Variants in OSCP1 observed in about 807,000 individuals in gnomAD.
The protein encoded by OSCP1 is protein OSCP1.
A neutral mutation model predicts 45.1 loss-of-function variants in OSCP1; 35 were observed. The observed-to-expected ratio is 0.78, with a 90% CI of 0.59 to 1.03. OSCP1 has a LOEUF of 1.03. Among genes scored for constraint, OSCP1 ranks in the 50% least tolerant of loss-of-function variants. OSCP1 has a pLI of 0.00. For missense variants in OSCP1, 400 were observed against 470.7 expected (o/e 0.85, Z 1.39); for synonymous variants, 179 against 180.1 (o/e 0.99, Z 0.05).
At chr1:36,436,556 G>A (rs941381524) in intron 2 of OSCP1, among the ~76,000 whole-genome samples, 4 of 152,032 alleles carry the variant, frequency 2.6e-5, no homozygotes, top group African/African-American at 9.7e-5. Context: ...AAATTTTTTT[G>A]TAGAGATTTG....
intron 4 of OSCP1, 33 bp downstream of exon 4, chr1:36,431,769 C>T: frequency 1.2e-6 from 2 of 1,606,064 alleles, no homozygotes; most frequent in Non-Finnish European, 1.7e-6. Flanking sequence ...TACAGCAGCT[C>T]CTGAGTGTTC....
intron 9 of OSCP1, 29 bp from the exon 10 acceptor site, chr1:36,418,284 A>C (rs116485261): frequency 1.2e-6 from 2 of 1,608,852 alleles, no homozygotes; most frequent in African/African-American, 2.7e-5. Flanking sequence ...GTAAAAGGGC[A>C]TGAAGAGGCT....
chr1:36,423,257 G>C (rs183827704), intron 5 of OSCP1, 106 bp downstream of exon 5: 248 of 944,578 alleles, frequency 2.6e-4, no homozygotes, highest in Admixed American at 5.4e-4. Context: ...GAAAGAGAAG[G>C]GCTGGGCAGA....
intron 2 of OSCP1, among the ~76,000 whole-genome samples, chr1:36,433,232 GC>G (rs1648491779): frequency 6.6e-6 from 1 of 152,220 alleles, no homozygotes; most frequent in African/African-American, 2.4e-5. Context: ...AGTGGTGAAG[GC>G]AGGCTTTGTG....
chr1:36,450,129 G>T, intron 1 of OSCP1, 129 bp downstream of exon 1: 15 of 735,134 alleles, frequency 2.0e-5, no homozygotes, highest in East Asian at 1.6e-4. Context: ...GATGTGGCTT[G>T]TAAGAAAGGT....
At chr1:36,423,045 A>C in intron 5 of OSCP1, 149 bp from the exon 6 acceptor site, 1 of 523,014 alleles carries the variant, frequency 1.9e-6, no homozygotes, top group Non-Finnish European at 3.0e-6. Context: ...ATAATAATAC[A>C]ATAATAATAT....
intron 1 of OSCP1, among the ~76,000 whole-genome samples, chr1:36,441,941 A>AG (rs1041483152): frequency 3.3e-5 from 5 of 150,686 alleles, no homozygotes; most frequent in African/African-American, 9.8e-5. Context: ...GAAGAGGCTA[A>AG]GGGGGGCCGG....
At chr1:36,449,682 C>T (rs1026016683) in intron 1 of OSCP1, among the ~76,000 whole-genome samples, 7 of 148,970 alleles carry the variant, frequency 4.7e-5, no homozygotes, top group Non-Finnish European at 8.9e-5. Context: ...ACTAAAAATA[C>T]AAAAATTAGC....
chr1:36,436,602 T>C (rs999000824), intron 2 of OSCP1, among the ~76,000 whole-genome samples: 7 of 152,236 alleles, frequency 4.6e-5, no homozygotes, highest in Non-Finnish European at 2.9e-5. Context: ...GTTGAACTCC[T>C]GGCCTCAATC....
At position 36,443,956 on chromosome 1, in the gene OSCP1, T is replaced by G. The variant is rs1272000835; in HGVS notation, c.113-5046A>C. The G allele has an allele frequency of 2.5e-6, 4 of 1,588,756 alleles. No individual in the cohort carries two copies. The East Asian group carries it at 8.9e-5, about 36-fold the overall frequency. On this transcript the variant is annotated intron_variant, in intron 1 of 9. Coordinates refer to ENST00000235532, the MANE Select transcript of OSCP1 (RefSeq NM_145047.5). ...TAAGCCCTGCTGATAAAGGCCTGAG[T>G]GAACCTGTGGATGCACACTGAACAC... is the stretch of plus-strand genomic sequence containing the variant.
intron 3 of OSCP1, among the ~76,000 whole-genome samples, chr1:36,432,115 T>C (rs1394332066): frequency 6.6e-6 from 1 of 152,104 alleles, no homozygotes; most frequent in Non-Finnish European, 1.5e-5. Flanking sequence ...TCCACAGACC[T>C]GGAGAGCCTG....
At position 36,427,299 on chromosome 1, in the gene OSCP1, C is replaced by CTTTTTTTTTTTTTTTTTT. The variant is rs71053929; in HGVS notation, c.517-3834_517-3833insAAAAAAAAAAAAAAAAAA. On this transcript the variant is annotated intron_variant, in intron 4 of 9. Coordinates refer to ENST00000235532, the MANE Select transcript of OSCP1 (RefSeq NM_145047.5). ...ACAGGCGTGAGCCATGGCGCCTGGC[C>CTTTTTTTTTTTTTTTTTT]TTTTTTTTTTTTTTTGACACAGAGT... 2.7e-3 allele frequency among the ~76,000 whole-genome samples: 260 copies of CTTTTTTTTTTTTTTTTTT among 96,286 alleles called. 20 individuals carry two copies. The highest frequency in any genetic ancestry group is 9.5e-3 in the African/African-American group (197 of 20,814). The allele number at this position is 96,286 out of a possible 152,430, so 63.2% of individuals were successfully genotyped here.
In OSCP1 at chr1:36,450,426, T is replaced by C; in HGVS notation, c.-57A>G. On this transcript the variant is annotated 5_prime_UTR_variant, in exon 1 of 10. Coordinates refer to ENST00000235532, the MANE Select transcript of OSCP1 (RefSeq NM_145047.5). ...CCCCGGGGTTCGGTAGCCAGTGGCC[T>C]GAAGGCCAGGCCGCAGCGTCCCAAT... The C allele has an allele frequency of 2.1e-6, 3 of 1,427,070 alleles. No homozygotes were observed. Among genetic ancestry groups the C allele is most frequent in the Non-Finnish European group, 3.0e-6 (3 of 1,014,022 alleles). 88.4% of individuals were successfully genotyped at this position (1,427,070 alleles called of 1,614,324 possible).
At chr1:36,420,815 T>C (rs1476318258) in intron 7 of OSCP1, among the ~76,000 whole-genome samples, 200 bp from the exon 8 acceptor site, 4 of 152,202 alleles carry the variant, frequency 2.6e-5, no homozygotes. Flanking sequence ...TGTAGCAACT[T>C]TGCAAACCAG....
chr1:36,436,267 C>T (rs998891132), intron 2 of OSCP1, among the ~76,000 whole-genome samples: 2 of 150,384 alleles, frequency 1.3e-5, no homozygotes, highest in African/African-American at 2.4e-5. Flanking sequence ...CCACACCGGG[C>T]TAATTTTTTT....
At chr1:36,443,109 G>A (rs573477459) in intron 1 of OSCP1, among the ~76,000 whole-genome samples, 1 of 152,064 alleles carries the variant, frequency 6.6e-6, no homozygotes, top group Non-Finnish European at 1.5e-5. Flanking sequence ...GATTATAAGT[G>A]CCCACCACCA....
In OSCP1 at chr1:36,450,048, C is replaced by T. The variant is rs114551640; in HGVS notation, c.112+210G>A. On this transcript the variant is annotated intron_variant, in intron 1 of 9. Coordinates refer to ENST00000235532, the MANE Select transcript of OSCP1 (RefSeq NM_145047.5). ...GGGAGGTCAGGCACCCTAGTGTCCA[C>T]TGGGAGTATTAAGTTCCTCTGCTGT... Among the ~76,000 whole-genome samples, 436 of 151,660 alleles carry T rather than the reference C, an allele frequency of 2.9e-3. 2 individuals carry two copies. The highest frequency in any genetic ancestry group is 9.5e-3 in the African/African-American group (391 of 41,262).
At chr1:36,439,351 T>C (rs192953329) in intron 1 of OSCP1, among the ~76,000 whole-genome samples, 5 of 152,084 alleles carry the variant, frequency 3.3e-5, no homozygotes, top group African/African-American at 7.2e-5. Context: ...TTAGACCCTG[T>C]CTCTACCAAA....
chr1:36,440,001 A>G (rs564490358), intron 1 of OSCP1, among the ~76,000 whole-genome samples: 1 of 152,370 alleles, frequency 6.6e-6, no homozygotes, highest in South Asian at 2.1e-4. Flanking sequence ...AAATGTGAGC[A>G]TATGTGGATA....
Sources: gnomAD v4.1 joint callset for allele counts (sites outside exome capture counted in the v4.1 genomes callset) on GRCh38, gnomAD v4.1.1 for gene constraint, MANE v1.5 for transcripts, NCBI Gene and HGNC (gene_info 2026-07-23, HGNC 2026-07-21) for gene names.